The following USH2A variants were observed in gnomAD, a reference collection of about 807,000 sequenced individuals.
USH2A encodes the protein Usher syndrome 2A (autosomal recessive, mild).
Under a neutral mutation model 538.9 loss-of-function variants are expected in USH2A, and 443 were observed. That is an observed-to-expected ratio of 0.82 (90% CI 0.76 to 0.89). USH2A has a LOEUF of 0.89. Among genes scored for constraint, USH2A ranks in the 40% least tolerant of loss-of-function variants. USH2A has a pLI of 0.00. For synonymous variants in USH2A, 2,413 were observed against 2,273.5 expected, an observed-to-expected ratio of 1.06 and a Z score of -1.75; for missense variants, 6,633 against 6,324.8, an observed-to-expected ratio of 1.05 and a Z score of -1.65.
At chr1:216,202,140 A>G (rs2035014978) in intron 16 of USH2A, among the ~76,000 whole-genome samples, 1 of 152,202 alleles carries the variant, frequency 6.6e-6, no homozygotes, top group Non-Finnish European at 1.5e-5. Context: ...AAAAGCCAAA[A>G]CCTAAAAGAA....
At chr1:216,029,149 G>C (rs1031015668) in intron 32 of USH2A, among the ~76,000 whole-genome samples, 1 of 152,000 alleles carries the variant, frequency 6.6e-6, no homozygotes, top group Non-Finnish European at 1.5e-5. Context: ...AAAATGTACA[G>C]AAGACCTTAC....
chr1:216,408,687 G>C (rs986098441), intron 3 of USH2A, among the ~76,000 whole-genome samples: 1 of 152,068 alleles, frequency 6.6e-6, no homozygotes, highest in Non-Finnish European at 1.5e-5. Flanking sequence ...ATGGCTTCTT[G>C]GCATAGCCAA....
intron 61 of USH2A, among the ~76,000 whole-genome samples, chr1:215,727,190 A>C (rs1413015735): frequency 6.6e-6 from 1 of 152,102 alleles, no homozygotes; most frequent in Non-Finnish European, 1.5e-5. Context: ...TATATACATA[A>C]ATACATATAT....
At chr1:215,988,532 T>G (rs1330271041) in intron 35 of USH2A, among the ~76,000 whole-genome samples, 3 of 152,192 alleles carry the variant, frequency 2.0e-5, no homozygotes, top group Non-Finnish European at 4.4e-5. Context: ...AGAAGTGGGA[T>G]TGCTACATCA....
At chr1:216,411,646 T>A (rs979408389) in intron 3 of USH2A, among the ~76,000 whole-genome samples, 2 of 152,138 alleles carry the variant, frequency 1.3e-5, no homozygotes, top group African/African-American at 4.8e-5. Flanking sequence ...CCTCTTTTCT[T>A]TTCTGGGTTC....
chr1:215,688,684 T>C (rs1467458681), intron 61 of USH2A, among the ~76,000 whole-genome samples: 1 of 152,126 alleles, frequency 6.6e-6, no homozygotes, highest in East Asian at 1.9e-4. Flanking sequence ...TTTGTGTGCA[T>C]GCAGAGAGAT....
intron 47 of USH2A, among the ~76,000 whole-genome samples, chr1:215,821,745 C>A (rs1663022697): frequency 6.6e-6 from 1 of 151,818 alleles, no homozygotes; most frequent in Non-Finnish European, 1.5e-5. Context: ...AGTTTCAGGT[C>A]TCAGACTTAA....
chr1:215,817,313 TTA>T (rs1326244147), intron 47 of USH2A, 118 bp from the exon 48 acceptor site: 53 of 485,356 alleles, frequency 1.1e-4, no homozygotes, highest in Non-Finnish European at 1.6e-4. Flanking sequence ...TTATATATGT[TTA>T]TATATGAAAT....
intron 34 of USH2A, among the ~76,000 whole-genome samples, chr1:215,996,676 G>A (rs1668151761): frequency 7.7e-6 from 1 of 130,636 alleles, no homozygotes; most frequent in Non-Finnish European, 1.5e-5. Flanking sequence ...CATATCAAAA[G>A]TCTTAGAACC....
chr1:216,102,693 G>T (rs2032619316), intron 21 of USH2A, among the ~76,000 whole-genome samples: 1 of 152,106 alleles, frequency 6.6e-6, no homozygotes, highest in South Asian at 2.1e-4. Flanking sequence ...CCAGCTACTC[G>T]GGAGGCTGAG....
intron 21 of USH2A, among the ~76,000 whole-genome samples, chr1:216,163,332 T>A (rs1314842223): frequency 1.3e-5 from 2 of 152,050 alleles, no homozygotes; most frequent in Non-Finnish European, 2.9e-5. Flanking sequence ...ATTTTATTGA[T>A]AATATTAATT....
intron 46 of USH2A, among the ~76,000 whole-genome samples, chr1:215,840,163 CAAAAAAAAAAAAAAAAAAAAAAAA>C (rs60766928): frequency 3.4e-5 from 1 of 29,516 alleles, no homozygotes; most frequent in Non-Finnish European, 6.3e-5. Flanking sequence ...GACTCTGTCT[CAAAAAAAAAAAAAAAAAAAAAAAA>C]AAAAAAAAGT....
At chr1:215,724,242 CACACACAA>C (rs982384061) in intron 61 of USH2A, among the ~76,000 whole-genome samples, 2 of 140,224 alleles carry the variant, frequency 1.4e-5, no homozygotes, top group African/African-American at 6.5e-5. Context: ...CACACACACA[CACACACAA>C]ACACACACAC....
At chr1:216,007,421 T>C (rs191780217) in intron 32 of USH2A, among the ~76,000 whole-genome samples, 1 of 151,992 alleles carries the variant, frequency 6.6e-6, no homozygotes, top group South Asian at 2.1e-4. Flanking sequence ...TTCCCTCAGA[T>C]ATAATGTTGG....
intron 21 of USH2A, among the ~76,000 whole-genome samples, chr1:216,105,115 A>G (rs563966595): frequency 6.6e-6 from 1 of 152,284 alleles, no homozygotes; most frequent in Non-Finnish European, 1.5e-5. Flanking sequence ...ATGAGATACC[A>G]TCTCACATCA....
At chr1:216,136,525 T>C (rs2033490063) in intron 21 of USH2A, among the ~76,000 whole-genome samples, 1 of 152,190 alleles carries the variant, frequency 6.6e-6, no homozygotes, top group African/African-American at 2.4e-5. Flanking sequence ...GATTGATTCT[T>C]TACTTTCTCG....
At chr1:216,406,356 A>T (rs1035099167) in intron 3 of USH2A, among the ~76,000 whole-genome samples, 2 of 152,166 alleles carry the variant, frequency 1.3e-5, no homozygotes, top group Non-Finnish European at 2.9e-5. Flanking sequence ...CTCAGGAAAA[A>T]GTTTAATTAA....
chr1:215,693,076 G>A (rs10864187), intron 61 of USH2A, among the ~76,000 whole-genome samples: 79,964 of 130,454 alleles, frequency 0.61, 22,793 homozygotes, highest in South Asian at 0.7. Context: ...TTTTGTGTGT[G>A]TATATATATA....
In USH2A at chr1:216,048,534, C is replaced by A. The variant is rs768233523; in HGVS notation, c.6163G>T (p.Ala2055Ser). 6.8e-6 allele frequency: 11 copies of A among 1,613,280 alleles called. No individual in the cohort carries two copies. Among genetic ancestry groups the A allele is most frequent in the African/African-American group, 1.3e-5 (1 of 74,850 alleles). ...HALNISTPQE[A>S]PQEVQPPVAK... ...GTCAAGACCTTTGAAATTACTTTAC[C>A]TTCTTGTGGAGTAGAGATGTTCAAT... The change falls in exon 31 of 72, where the codon GCC (alanine) becomes TCC (serine). Residue 2055 changes from alanine (A) to serine (S), a missense_variant and splice_region_variant. By Grantham distance (99) the Ala-to-Ser change is moderately conservative. Transcript: ENST00000307340.
Sources: gnomAD v4.1 joint callset for allele counts (sites outside exome capture counted in the v4.1 genomes callset) on GRCh38, gnomAD v4.1.1 for gene constraint, MANE v1.5 for transcripts, NCBI Gene and HGNC (gene_info 2026-07-23, HGNC 2026-07-21) for gene names.